LRRFIP1: variants seen among roughly 807,000 people sequenced by gnomAD.
LRRFIP1 encodes the protein LRR binding FLII interacting protein 1.
Under a neutral mutation model 104.4 loss-of-function variants are expected in LRRFIP1, and 62 were observed. That is an observed-to-expected ratio of 0.59 (90% CI 0.48 to 0.73). The LOEUF (loss-of-function observed/expected upper bound fraction) is 0.73. Among genes scored for constraint, LRRFIP1 ranks in the 30% least tolerant of loss-of-function variants. The pLI is 0.00. For synonymous variants in LRRFIP1, 300 were observed against 299.0 expected, an observed-to-expected ratio of 1.00 and a Z score of -0.03; for missense variants, 796 against 824.5, an observed-to-expected ratio of 0.97 and a Z score of 0.42.
rs150335292 is a variant in LRRFIP1 at position 237,749,240 on chromosome 2, C to T, written c.711C>T (p.Ala237=). The T allele has an allele frequency of 2.3e-4, 373 of 1,613,948 alleles. 1 individual carries two copies. The African/African-American group carries it at 4.5e-3, about 20-fold the overall frequency. The change falls in exon 13 of 24, where the codon GCC becomes GCT. Residue 237 remains alanine (A), a synonymous_variant. Transcript: ENST00000308482. The stretch of plus-strand genomic sequence containing the variant: ...CGGGCCTGTCTGCAGCCACGCTGGC[C>T]TCTCTGGGTGGGACTTCCTCTCGGA... ...NMPGLSAATL[A]SLGGTSSRRG... is the part of the protein sequence containing the mutation.
At position 237,663,801 on chromosome 2, in the gene LRRFIP1, G is replaced by T. The variant is rs116011303; in HGVS notation, c.96+36061G>T. Among the ~76,000 whole-genome samples, 554 of 151,882 alleles carry T rather than the reference G, an allele frequency of 3.6e-3. 6 individuals are homozygous for T. Among genetic ancestry groups the T allele is most frequent in the Admixed American group, 9.1e-3 (139 of 15,264 alleles). The stretch of plus-strand genomic sequence containing the variant: ...TCTGTTCTGGGAATGTTGCCTTGAG[G>T]CAGCTGAGCACTACCCACAGGGAAA... On this transcript the variant is annotated intron_variant, in intron 1 of 23. Coordinates refer to ENST00000308482, the MANE Select transcript of LRRFIP1 (RefSeq NM_001137550.2).
chr2:237,775,164 G>A (rs945465195), intron 23 of LRRFIP1, among the ~76,000 whole-genome samples: 4 of 152,234 alleles, frequency 2.6e-5, no homozygotes, highest in African/African-American at 9.6e-5. Context: ...GAGAGGGGCT[G>A]GGGTGCGGAA....
intron 1 of LRRFIP1, among the ~76,000 whole-genome samples, chr2:237,678,506 A>AT (rs139560737): frequency 0.012 from 1,809 of 150,500 alleles, 27 homozygotes; most frequent in East Asian, 0.049. Flanking sequence ...TCCTGAAACT[A>AT]TTTTTTTTTC....
At chr2:237,718,142 G>A (rs1007187672) in intron 4 of LRRFIP1, among the ~76,000 whole-genome samples, 1 of 152,236 alleles carries the variant, frequency 6.6e-6, no homozygotes, top group Admixed American at 6.5e-5. Flanking sequence ...CCAGGACTCG[G>A]GCTGGGCATG....
At chr2:237,682,555 C>T (rs1173406131) in intron 1 of LRRFIP1, among the ~76,000 whole-genome samples, 1 of 152,182 alleles carries the variant, frequency 6.6e-6, no homozygotes, top group Non-Finnish European at 1.5e-5. Flanking sequence ...TTGGATTGGG[C>T]CTTCCCAGAG....
Position 237,756,086 on chromosome 2 carries a change from C to G in LRRFIP1, c.1039-9C>G, listed in dbSNP as rs56219042. ...TCCACTGCTTTAGTGCTGTTTTTCT[C>G]CTTTACAGGAATTTGAAAGGGAAAA... On this transcript the variant is annotated splice_polypyrimidine_tract_variant and intron_variant, in intron 15 of 23. Transcript: ENST00000308482. The G allele has an allele frequency of 0.014, 21,988 of 1,607,382 alleles. 194 individuals are homozygous for G. Among genetic ancestry groups the G allele is most frequent in the Non-Finnish European group, 0.016 (18,934 of 1,174,658 alleles).
intron 1 of LRRFIP1, among the ~76,000 whole-genome samples, 153 bp from the exon 2 acceptor site, chr2:237,708,391 C>T (rs1051559995): frequency 1.3e-5 from 2 of 152,234 alleles, no homozygotes; most frequent in African/African-American, 4.8e-5. Flanking sequence ...TTCTATTGCT[C>T]CTGACCACCC....
At chr2:237,723,707 G>A in intron 7 of LRRFIP1, 121 bp downstream of exon 7, 1 of 1,219,294 alleles carries the variant, frequency 8.2e-7, no homozygotes, top group Non-Finnish European at 1.2e-6. Context: ...GGGGGGCTAT[G>A]AGGCCAGGAG....
intron 1 of LRRFIP1, among the ~76,000 whole-genome samples, chr2:237,705,521 G>C (rs1157032560): frequency 2.0e-5 from 3 of 152,080 alleles, no homozygotes; most frequent in East Asian, 3.9e-4. Context: ...AAATTAGCTG[G>C]GTGTGGTGGC....
chr2:237,779,261 C>T (rs2061352017), intron 23 of LRRFIP1, 161 bp from the exon 24 acceptor site: 2 of 766,616 alleles, frequency 2.6e-6, no homozygotes, highest in Admixed American at 1.2e-4. Context: ...TGTTCCCTCT[C>T]TGGAGTCCAG....
Position 237,734,116 on chromosome 2 carries a change from A to T in LRRFIP1, c.489+298A>T, listed in dbSNP as rs545040553. ...CAATGTTTACTTTACCTATTGGCAG[A>T]AAGAATGGTGGCTTTTTAATGCTTT... On this transcript the variant is annotated intron_variant, in intron 9 of 23. Transcript: ENST00000308482. Among the ~76,000 whole-genome samples the T allele has an allele frequency of 2.0e-5, 3 of 152,344 alleles. No individual in the cohort carries two copies. The East Asian group carries it at 5.8e-4, about 29-fold the overall frequency.
chr2:237,740,249 T>TAA (rs548413594), intron 11 of LRRFIP1, among the ~76,000 whole-genome samples: 16 of 125,660 alleles, frequency 1.3e-4, no homozygotes, highest in Middle Eastern at 3.7e-3. Context: ...CTCTAAACAG[T>TAA]AAAAAAAAAA....
At position 237,780,457 on chromosome 2, in the gene LRRFIP1, G is replaced by C. The variant is rs1473072717; in HGVS notation, c.*925G>C. ...TCTTTCCCTATTTAAAAAAAAAGGTGTTTTCACAGAATGAGTGCACTTAAA... is the reference window on the plus strand; with the variant it reads ...TCTTTCCCTATTTAAAAAAAAAGGTCTTTTCACAGAATGAGTGCACTTAAA... On this transcript the variant is annotated 3_prime_UTR_variant, in exon 24 of 24. Coordinates refer to ENST00000308482, the MANE Select transcript of LRRFIP1 (RefSeq NM_001137550.2). 6.6e-6 allele frequency: 1 copy of C among 152,032 alleles called. No individual in the cohort carries two copies. Among genetic ancestry groups the C allele is most frequent in the East Asian group, 1.9e-4 (1 of 5,190 alleles). 9.4% of individuals were successfully genotyped at this position (152,032 alleles called of 1,614,324 possible). A position where few individuals can be genotyped will look rare whatever the true frequency, so the allele number is the denominator to read the frequency against.
intron 18 of LRRFIP1, 81 bp downstream of exon 18, chr2:237,758,902 A>G: frequency 1.2e-6 from 1 of 858,906 alleles, no homozygotes; most frequent in Non-Finnish European, 1.9e-6. Flanking sequence ...GATGCTGTGA[A>G]TATGTGTGTA....
chr2:237,766,285 T>A lies in LRRFIP1; in HGVS notation c.1460-3658T>A, dbSNP rs1356086529. ...AACCTTGACTGTTTCTGCTCAAGTG[T>A]CCTGAAGTAGAGGATGGTGGGGATG... On this transcript the variant is annotated intron_variant, in intron 19 of 23. Coordinates refer to ENST00000308482, the MANE Select transcript of LRRFIP1 (RefSeq NM_001137550.2). The surrounding 1 kb of genome is among the most constrained non-coding windows in gnomAD (Gnocchi z 4.8). 6.6e-6 allele frequency among the ~76,000 whole-genome samples: 1 copy of A among 152,210 alleles called. No homozygotes were observed. Among genetic ancestry groups the A allele is most frequent in the Non-Finnish European group, 1.5e-5 (1 of 68,036 alleles).
intron 1 of LRRFIP1, among the ~76,000 whole-genome samples, chr2:237,644,879 T>C (rs1285173256): frequency 6.6e-6 from 1 of 152,212 alleles, no homozygotes; most frequent in Non-Finnish European, 1.5e-5. Flanking sequence ...AGTCTTGGAT[T>C]TGGGGGAAGA....
At chr2:237,722,118 G>C (rs1278910528) in intron 6 of LRRFIP1, 1 of 152,242 alleles carries the variant, frequency 6.6e-6, no homozygotes, top group Admixed American at 6.5e-5. Context: ...GGGAGCGACC[G>C]AGAGAGGAGG....
rs1417441713 is a variant in LRRFIP1, at chr2:237,711,871, G to A, written c.184-2388G>A. Among the ~76,000 whole-genome samples the A allele has an allele frequency of 1.3e-5, 2 of 152,226 alleles. No individual in the cohort carries two copies. The highest frequency in any genetic ancestry group is 6.5e-5 in the Admixed American group (1 of 15,288). On this transcript the variant is annotated intron_variant, in intron 2 of 23. Transcript: ENST00000308482. The surrounding 1 kb of genome is among the most constrained non-coding windows in gnomAD (Gnocchi z 4.4). The stretch of plus-strand genomic sequence containing the variant: ...CTGCCCTGGGAGACGAGAGCCAGAC[G>A]AGGAAGGGCCAGCCCAGTCAGCCCA...
At chr2:237,763,962 G>A (rs1559833981) in intron 19 of LRRFIP1, 2 of 1,614,244 alleles carry the variant, frequency 1.2e-6, no homozygotes, top group Non-Finnish European at 1.7e-6. Flanking sequence ...ACAGAGAGGT[G>A]TGAGATGTCA....
Sources: allele counts gnomAD v4.1 joint callset (sites outside exome capture counted in the v4.1 genomes callset), GRCh38; gene constraint gnomAD v4.1.1; non-coding constraint Gnocchi (gnomAD v3.1); transcripts MANE v1.5; gene names NCBI Gene and HGNC (gene_info 2026-07-23, HGNC 2026-07-21).